The following SERAC1 variants were observed in gnomAD, a reference collection of about 807,000 sequenced individuals.
SERAC1 encodes the protein serine active site containing 1, also known as protein SERAC1.
SERAC1 carries 36 observed loss-of-function variants against 85.7 expected under a neutral mutation model. The ratio of observed to expected loss-of-function variants is 0.42; its 90% confidence interval spans 0.32 to 0.55. The LOEUF is 0.55. SERAC1 is among the 20% of genes least tolerant of loss of function. The pLI is 0.11. For synonymous variants in SERAC1, 242 were observed against 265.3 expected, an observed-to-expected ratio of 0.91 and a Z score of 0.85; for missense variants, 629 against 796.2, an observed-to-expected ratio of 0.79 and a Z score of 2.53.
At chr6:158,129,058 A>C (rs1386279477) in intron 9 of SERAC1, among the ~76,000 whole-genome samples, 2 of 152,164 alleles carry the variant, frequency 1.3e-5, no homozygotes, top group African/African-American at 4.8e-5. Context: ...AGTGCCTTAA[A>C]ATGTATGCCT....
chr6:158,124,766 CACACACACACACACACACACACAT>C (rs1784500415), intron 10 of SERAC1, among the ~76,000 whole-genome samples: 2 of 123,458 alleles, frequency 1.6e-5, no homozygotes, highest in South Asian at 2.7e-4. Flanking sequence ...CACACACACA[CACACACACACACACACACACACAT>C]ACACACTCAA....
rs1375476386 is a variant in SERAC1 at position 158,110,736 on chromosome 6, T to C, written c.*630A>G. 6.6e-6 allele frequency: 1 copy of C among 152,200 alleles called. No individual in the cohort carries two copies. The highest frequency in any genetic ancestry group is 1.5e-5 in the Non-Finnish European group (1 of 68,034). The allele number at this position is 152,200 out of a possible 1,614,324, so 9.4% of individuals were successfully genotyped here. A position where few individuals can be genotyped will look rare whatever the true frequency, so the allele number is the denominator to read the frequency against. ...GGCAGCTACAGTCTGAAAAGAATTA[T>C]TATAAGCTAGAATTTTTCTAAGAAA... On this transcript the variant is annotated 3_prime_UTR_variant, in exon 17 of 17. Coordinates refer to ENST00000647468, the MANE Select transcript of SERAC1 (RefSeq NM_032861.4).
intron 6 of SERAC1, among the ~76,000 whole-genome samples, chr6:158,144,630 T>G (rs1046159903): frequency 3.9e-5 from 6 of 152,162 alleles, no homozygotes; most frequent in Admixed American, 1.3e-4. Flanking sequence ...AACATATATA[T>G]GGAGACCGGG....
At position 158,117,619 on chromosome 6, in the gene SERAC1, A is replaced by T. The variant is rs183670029; in HGVS notation, c.1403+108T>A. ...AGATTAGGTTTGTTCTTCATAAGAA[A>T]ATCCTGTCTGTGGCATCAAAAAATT... On this transcript the variant is annotated intron_variant, in intron 13 of 16. Coordinates refer to ENST00000647468, the MANE Select transcript of SERAC1 (RefSeq NM_032861.4). The surrounding 1 kb of genome is among the most constrained non-coding windows in gnomAD (Gnocchi z 4.3). 81 of 1,578,248 alleles carry T rather than the reference A, an allele frequency of 5.1e-5. No homozygotes were observed. Among genetic ancestry groups the T allele is most frequent in the Non-Finnish European group, 8.6e-7 (1 of 1,159,710 alleles).
chr6:158,163,456 G>C (rs1268510071), intron 1 of SERAC1, among the ~76,000 whole-genome samples: 1 of 152,152 alleles, frequency 6.6e-6, no homozygotes, highest in Non-Finnish European at 1.5e-5. Flanking sequence ...CCAGTGATTT[G>C]GGAGGCCAAG....
In SERAC1 at chr6:158,143,098, A is replaced by G. The variant is rs771859144; in HGVS notation, c.696T>C (p.Ser232=). ...ELDECIQYFT[S]LALSESSQSL... ...TCTGACTGCTTTCACTAAGAGCCAA[A>G]GATGTAAAATACTGGATACACTCAT... is the stretch of plus-strand genomic sequence containing the variant. The change falls in exon 8 of 17, where the codon TCT becomes TCC. Residue 232 remains serine (S), a synonymous_variant. Transcript: ENST00000647468. 1.9e-6 allele frequency: 3 copies of G among 1,613,350 alleles called. No homozygotes were observed. In the East Asian group the frequency reaches 6.7e-5, roughly 36 times the overall value.
intron 4 of SERAC1, among the ~76,000 whole-genome samples, chr6:158,149,585 C>A (rs1294768164): frequency 5.3e-5 from 8 of 152,292 alleles, no homozygotes; most frequent in Non-Finnish European, 8.8e-5. Context: ...TCATGATGAG[C>A]TCGCCTCAAA....
chr6:158,166,817 C>T (rs1208268642), intron 1 of SERAC1, among the ~76,000 whole-genome samples: 1 of 152,066 alleles, frequency 6.6e-6, no homozygotes, highest in South Asian at 2.1e-4. Context: ...TTTTTAAATG[C>T]AGAAATTAAG....
chr6:158,122,420 A>G (rs1282062824), intron 10 of SERAC1, among the ~76,000 whole-genome samples: 1 of 152,216 alleles, frequency 6.6e-6, no homozygotes, highest in African/African-American at 2.4e-5. Flanking sequence ...TTACATCCTC[A>G]GAGTAATGAA....
At chr6:158,163,385 CTATAAAATAACAATAAAAAGTA>C (rs1366370216) in intron 1 of SERAC1, among the ~76,000 whole-genome samples, 1 of 152,146 alleles carries the variant, frequency 6.6e-6, no homozygotes, top group African/African-American at 2.4e-5. Context: ...GATGAATACA[CTATAAAATAACAATAAAAAGTA>C]TACCATAGGG....
chr6:158,155,856 G>C (rs906154100), intron 2 of SERAC1, among the ~76,000 whole-genome samples: 27 of 152,156 alleles, frequency 1.8e-4, no homozygotes, highest in Non-Finnish European at 1.0e-4. Flanking sequence ...ATTTAAAATA[G>C]AGATTAGGCC....
intron 8 of SERAC1, among the ~76,000 whole-genome samples, chr6:158,131,327 GTATA>G (rs1784667195): frequency 6.9e-6 from 1 of 145,636 alleles, no homozygotes; most frequent in South Asian, 2.1e-4. Context: ...ATATTGTATA[GTATA>G]TATTTACATT....
rs966095111 is a variant in SERAC1, at chr6:158,132,000, G to A, written c.739-1514C>T. Among the ~76,000 whole-genome samples the A allele has an allele frequency of 1.2e-4, 17 of 145,782 alleles. 1 individual carries two copies. The East Asian group carries it at 3.6e-3, about 31-fold the overall frequency. ...GTGTATGTATCCTATGCTACTACTC[G>A]TGTAGAGAGAGAGAGTGTGTGTGTT... On this transcript the variant is annotated intron_variant, in intron 8 of 16. Transcript: ENST00000647468.
At chr6:158,134,323 T>C (rs1282162731) in intron 8 of SERAC1, among the ~76,000 whole-genome samples, 1 of 152,216 alleles carries the variant, frequency 6.6e-6, no homozygotes, top group Non-Finnish European at 1.5e-5. Context: ...CAGAACTTGG[T>C]TACTAAATAC....
Position 158,116,243 on chromosome 6 carries a change from C to G in SERAC1, c.1443G>C (p.Lys481Asn), listed in dbSNP as rs1784285761. The G allele has an allele frequency of 6.2e-7, 1 of 1,614,040 alleles. No individual in the cohort carries two copies. The highest frequency in any genetic ancestry group is 1.3e-5 in the African/African-American group (1 of 74,924). Residue 481 changes from lysine to asparagine, a missense_variant, in exon 14 of 17, where the codon AAG becomes AAC. Physicochemically the swap from Lys to Asn is moderately conservative, Grantham distance 94. Transcript: ENST00000647468. ...TATCCCCAACACCAGCAGCTCTGAG[C>G]TTCCTAAGAAGTTCGTTGCTTCTGA... ...IAFRSNELLR[K>N]LRAAGVGDRP...
rs902263841 is a variant in SERAC1 at position 158,120,904 on chromosome 6, T to C, written c.1016-329A>G. 3.3e-5 allele frequency among the ~76,000 whole-genome samples: 5 copies of C among 152,208 alleles called. No homozygotes were observed. Among genetic ancestry groups the C allele is most frequent in the Non-Finnish European group, 7.3e-5 (5 of 68,042 alleles). On this transcript the variant is annotated intron_variant, in intron 10 of 16. Coordinates refer to ENST00000647468, the MANE Select transcript of SERAC1 (RefSeq NM_032861.4). This position sits in a 1 kb window ranked among gnomAD's most constrained non-coding sequence, Gnocchi z 4.4. ...GTTCACAAAAGTGAACAAAATACCA[T>C]GATGTTTTGCTTTTAACAAGAATTA... is the stretch of plus-strand genomic sequence containing the variant.
At chr6:158,122,637 G>A (rs1051467277) in intron 10 of SERAC1, among the ~76,000 whole-genome samples, 7 of 152,018 alleles carry the variant, frequency 4.6e-5, no homozygotes, top group Non-Finnish European at 8.8e-5. Context: ...AAAATTAGCC[G>A]GGTGTGGTGG....
chr6:158,152,383 G>C lies in SERAC1; in HGVS notation c.129-1794C>G, dbSNP rs146223928. 7.0e-3 allele frequency among the ~76,000 whole-genome samples: 1,061 copies of C among 152,288 alleles called. 11 individuals carry two copies. The highest frequency in any genetic ancestry group is 0.024 in the African/African-American group (1,006 of 41,540). On this transcript the variant is annotated intron_variant, in intron 3 of 16. Transcript: ENST00000647468. ...ATACAAAACTTAGCCAGGCATGGTG[G>C]CGGGCGCCTGTAATCCCAGCTACTC...
chr6:158,118,744 T>C (rs1355324492), intron 12 of SERAC1, among the ~76,000 whole-genome samples: 1 of 152,240 alleles, frequency 6.6e-6, no homozygotes, highest in Non-Finnish European at 1.5e-5. Flanking sequence ...ATTGTTATGT[T>C]ATTTTTGTAT....
Sources: gnomAD v4.1 joint callset for allele counts (sites outside exome capture counted in the v4.1 genomes callset) on GRCh38, gnomAD v4.1.1 for gene constraint, Gnocchi (gnomAD v3.1) non-coding constraint, MANE v1.5 for transcripts, NCBI Gene and HGNC (gene_info 2026-07-23, HGNC 2026-07-21) for gene names.